Variants in ADAMTS17 observed in about 807,000 individuals in gnomAD.
ADAMTS17 encodes ADAM metallopeptidase with thrombospondin type 1 motif 17.
A neutral mutation model predicts 141.5 loss-of-function variants in ADAMTS17; 113 were observed. The ratio of observed to expected loss-of-function variants is 0.80; its 90% CI spans 0.69 to 0.93. ADAMTS17 has a LOEUF of 0.93. Among genes scored for constraint, ADAMTS17 ranks in the 40% least tolerant of loss-of-function variants. The pLI is 0.00. For synonymous variants in ADAMTS17, 768 were observed against 630.6 expected, an observed-to-expected ratio of 1.22 and a Z score of -3.27; for missense variants, 1,659 against 1,517.9, an observed-to-expected ratio of 1.09 and a Z score of -1.54.
intron 15 of ADAMTS17, among the ~76,000 whole-genome samples, chr15:100,089,637 G>T (rs1180196529): frequency 1.3e-5 from 2 of 152,002 alleles, no homozygotes; most frequent in East Asian, 3.9e-4. Flanking sequence ...ATACACCATG[G>T]AATACTATGC....
At position 100,192,383 on chromosome 15, in the gene ADAMTS17, G is replaced by T. The variant is rs988767589; in HGVS notation, c.1181+6935C>A. ...CCAAGGCTCCATCCCTTCCTGGGGG[G>T]AGGCACCCCCTTTTCTGTTCCTCCA... On this transcript the variant is annotated intron_variant, in intron 8 of 21. Coordinates refer to ENST00000268070, the MANE Select transcript of ADAMTS17 (RefSeq NM_139057.4). Among the ~76,000 whole-genome samples, 3 of 152,210 alleles carry T rather than the reference G, an allele frequency of 2.0e-5. 1 individual carries two copies. The highest frequency in any genetic ancestry group is 1.3e-4 in the Admixed American group (2 of 15,292).
chr15:100,219,532 C>T (rs559600966), intron 7 of ADAMTS17, among the ~76,000 whole-genome samples: 6 of 152,216 alleles, frequency 3.9e-5, no homozygotes, highest in South Asian at 2.1e-4. Context: ...AATCAGAGAG[C>T]GTTATCGTCC....
chr15:100,043,389 G>A (rs926317022), intron 18 of ADAMTS17, among the ~76,000 whole-genome samples: 8 of 152,144 alleles, frequency 5.3e-5, no homozygotes, highest in African/African-American at 1.7e-4. Context: ...GGCAGAAATC[G>A]AATATTTATC....
chr15:100,146,550 G>C (rs2038912631), intron 10 of ADAMTS17, among the ~76,000 whole-genome samples: 1 of 152,182 alleles, frequency 6.6e-6, no homozygotes, highest in African/African-American at 2.4e-5. Context: ...AAATTGTACA[G>C]CATGTGTGTT....
chr15:100,088,688 C>T lies in ADAMTS17; in HGVS notation c.2137+7668G>A, dbSNP rs564009318. Among the ~76,000 whole-genome samples, 184 of 151,978 alleles carry T rather than the reference C, an allele frequency of 1.2e-3. 1 individual carries two copies. Among genetic ancestry groups the T allele is most frequent in the Middle Eastern group, 0.01 (3 of 294 alleles). ...CAGAGCCCTCAGAAATAATACCACA[C>T]ATCTACAACTATCTGATCTTTGACA... On this transcript the variant is annotated intron_variant, in intron 15 of 21. Coordinates refer to ENST00000268070, the MANE Select transcript of ADAMTS17 (RefSeq NM_139057.4).
intron 8 of ADAMTS17, among the ~76,000 whole-genome samples, chr15:100,171,522 A>C (rs535845602): frequency 1.3e-5 from 2 of 152,250 alleles, no homozygotes; most frequent in Non-Finnish European, 2.9e-5. Flanking sequence ...CCTGTACCCC[A>C]GTGCCTTTGC....
chr15:100,098,812 C>T (rs1477102043), intron 14 of ADAMTS17, among the ~76,000 whole-genome samples: 1 of 152,202 alleles, frequency 6.6e-6, no homozygotes, highest in Admixed American at 6.5e-5. Context: ...GCATGGTCTC[C>T]AGACTTGCTT....
chr15:100,167,538 G>T (rs1486673012), intron 8 of ADAMTS17, among the ~76,000 whole-genome samples: 10 of 152,150 alleles, frequency 6.6e-5, no homozygotes, highest in Admixed American at 6.5e-4. Flanking sequence ...AAGTGAAGGA[G>T]AAACCACCGG....
intron 17 of ADAMTS17, among the ~76,000 whole-genome samples, chr15:100,049,366 G>C (rs2031964046): frequency 6.6e-6 from 1 of 152,168 alleles, no homozygotes; most frequent in African/African-American, 2.4e-5. Flanking sequence ...CTCAATTAAA[G>C]ACCTGCACAT....
At chr15:100,215,631 T>A (rs562101428) in intron 7 of ADAMTS17, among the ~76,000 whole-genome samples, 1 of 152,196 alleles carries the variant, frequency 6.6e-6, no homozygotes, top group Admixed American at 6.5e-5. Context: ...TGGCCTGGCC[T>A]AAGTGACTCA....
chr15:100,216,886 G>T (rs766607474), intron 7 of ADAMTS17, among the ~76,000 whole-genome samples: 1 of 152,202 alleles, frequency 6.6e-6, no homozygotes, highest in Admixed American at 6.5e-5. Flanking sequence ...AACACACATT[G>T]AATGCACTTC....
At chr15:100,064,107 AT>A (rs150700233) in intron 15 of ADAMTS17, among the ~76,000 whole-genome samples, 4,718 of 152,280 alleles carry the variant, frequency 0.031, 248 homozygotes, top group African/African-American at 0.11. Flanking sequence ...AAAATGACTG[AT>A]GTCCTTATAA....
chr15:100,038,548 TTTATTAAA>T (rs2030964031), intron 18 of ADAMTS17, among the ~76,000 whole-genome samples: 1 of 152,230 alleles, frequency 6.6e-6, no homozygotes, highest in African/African-American at 2.4e-5. Flanking sequence ...TTAAAATTCT[TTTATTAAA>T]TTTATTCCAA....
At chr15:100,257,464 G>C (rs1233238748) in intron 6 of ADAMTS17, among the ~76,000 whole-genome samples, 1 of 152,252 alleles carries the variant, frequency 6.6e-6, no homozygotes, top group Admixed American at 6.5e-5. Context: ...ACAGCAGCAG[G>C]TGAGAGGGAC....
chr15:100,238,417 C>T (rs2042725183), intron 7 of ADAMTS17, among the ~76,000 whole-genome samples: 1 of 152,236 alleles, frequency 6.6e-6, no homozygotes, highest in Non-Finnish European at 1.5e-5. Context: ...CCTTGAGTGT[C>T]CCCAGGGCTG....
At chr15:100,322,450 A>C (rs187222926) in intron 3 of ADAMTS17, among the ~76,000 whole-genome samples, 6 of 152,330 alleles carry the variant, frequency 3.9e-5, no homozygotes, top group Admixed American at 3.9e-4. Flanking sequence ...AGTCCAACAA[A>C]ATTAATTGCC....
intron 15 of ADAMTS17, among the ~76,000 whole-genome samples, chr15:100,093,545 G>C (rs1165255705): frequency 6.6e-6 from 1 of 152,044 alleles, no homozygotes; most frequent in Non-Finnish European, 1.5e-5. Context: ...TCTTGACCTG[G>C]GGGCTTTCTA....
chr15:100,338,120 G>T (rs540913371), intron 2 of ADAMTS17, among the ~76,000 whole-genome samples: 1 of 152,186 alleles, frequency 6.6e-6, no homozygotes, highest in African/African-American at 2.4e-5. Context: ...TATGGCCTTT[G>T]AAGATCCAAA....
intron 10 of ADAMTS17, among the ~76,000 whole-genome samples, chr15:100,140,692 T>C (rs2038598840): frequency 6.6e-6 from 1 of 151,932 alleles, no homozygotes; most frequent in Admixed American, 6.6e-5. Flanking sequence ...GATGAGGAAA[T>C]GGGTGGACCT....
Sources: allele counts gnomAD v4.1 joint callset (sites outside exome capture counted in the v4.1 genomes callset), GRCh38; gene constraint gnomAD v4.1.1; transcripts MANE v1.5; gene names NCBI Gene and HGNC (gene_info 2026-07-23, HGNC 2026-07-21).